Variants in NIN observed in about 807,000 individuals in gnomAD.
NIN encodes glycogen synthase kinase 3 beta-interacting protein.
Under a neutral mutation model 257.6 loss-of-function variants are expected in NIN, and 137 were observed. The observed-to-expected ratio is 0.53, with a 90% CI of 0.46 to 0.61. The LOEUF is 0.61. Among genes scored for constraint, NIN ranks in the 20% least tolerant of loss-of-function variants. The probability of loss-of-function intolerance (pLI) is 0.00; values close to 1 mark genes in which losing one functional copy is unlikely to be tolerated. For missense variants in NIN, 2,439 were observed against 2,501.2 expected (o/e 0.98, Z 0.53); for synonymous variants, 918 against 919.8 (o/e 1.00, Z 0.04).
At chr14:50,737,992 C>G (rs1272486483) in intron 27 of NIN, 148 bp downstream of exon 27, 14 of 785,226 alleles carry the variant, frequency 1.8e-5, no homozygotes, top group Non-Finnish European at 2.6e-5. Context: ...AACCACGATG[C>G]TATTTTGACA....
chr14:50,747,820 T>C (rs1052235393), intron 22 of NIN, among the ~76,000 whole-genome samples, 172 bp downstream of exon 22: 5 of 151,940 alleles, frequency 3.3e-5, no homozygotes, highest in African/African-American at 9.7e-5. Context: ...CCTTTACAGA[T>C]AGGATTTTGC....
rs1222626972 is a variant in NIN at position 50,722,494 on chromosome 14, G to A, written c.*969C>T. 5.2e-5 allele frequency: 11 copies of A among 210,014 alleles called. No individual in the cohort carries two copies. In the East Asian group the frequency reaches 7.2e-4, roughly 14 times the overall value. The allele number at this position is 210,014 out of a possible 1,614,324, so 13.0% of individuals were successfully genotyped here. A position where few individuals can be genotyped will look rare whatever the true frequency, so the allele number is the denominator to read the frequency against. ...TAAGACAAATAAATGAGGTCACATG[G>A]TTTATACATTTCAAATTCTTAGAGA... On this transcript the variant is annotated 3_prime_UTR_variant, in exon 31 of 31. Transcript: ENST00000530997.
chr14:50,800,785 CTTT>C (rs11362674), intron 4 of NIN, among the ~76,000 whole-genome samples: 14 of 138,754 alleles, frequency 1.0e-4, no homozygotes, highest in Non-Finnish European at 1.1e-4. Context: ...TTTTTCTTTG[CTTT>C]TTTTTTTTTT....
chr14:50,799,900 G>A (rs1471298097), intron 4 of NIN, among the ~76,000 whole-genome samples: 5 of 151,944 alleles, frequency 3.3e-5, no homozygotes, highest in Admixed American at 2.0e-4. Context: ...GCTTGAACCC[G>A]GGAGGCAGAG....
Position 50,737,646 on chromosome 14 carries a change from GTTT to G in NIN, c.5775+491_5775+493del, listed in dbSNP as rs35662853. Among the ~76,000 whole-genome samples the G allele has an allele frequency of 9.1e-3, 1,241 of 137,016 alleles. 18 individuals carry two copies. The highest frequency in any genetic ancestry group is 0.024 in the African/African-American group (900 of 37,860). The allele number at this position is 137,016 out of a possible 152,430, so 89.9% of individuals were successfully genotyped here. Reference sequence around the variant, plus strand: ...GCTTAAATTGTGGTTTTTTGTTGTTGTTTTTTTTTTTTTTTTTTAAACAGAGTC... The same window carrying G: ...GCTTAAATTGTGGTTTTTTGTTGTTGTTTTTTTTTTTTTTTAAACAGAGTC... On this transcript the variant is annotated intron_variant, in intron 27 of 30. Transcript: ENST00000530997.
chr14:50,722,923 T>G lies in NIN; in HGVS notation c.*540A>C, dbSNP rs1202305733. ...ATTCTACAGATTTGGGTTTGTCTGA[T>G]GTCAGCGGTTAATAACCACTTAATA... On this transcript the variant is annotated 3_prime_UTR_variant, in exon 31 of 31. Coordinates refer to ENST00000530997, the MANE Select transcript of NIN (RefSeq NM_020921.4). 3 of 214,490 alleles carry G rather than the reference T, an allele frequency of 1.4e-5. No homozygotes were observed. The highest frequency in any genetic ancestry group is 6.8e-5 in the African/African-American group (3 of 44,322). 13.3% of individuals were successfully genotyped at this position (214,490 alleles called of 1,614,324 possible).
chr14:50,746,898 G>A (rs1253553519), intron 22 of NIN, among the ~76,000 whole-genome samples: 2 of 152,098 alleles, frequency 1.3e-5, no homozygotes, highest in East Asian at 3.8e-4. Context: ...CTGTCGCCCA[G>A]GCTGGAGTGC....
chr14:50,774,368 T>C (rs2141840012), intron 7 of NIN, among the ~76,000 whole-genome samples: 1 of 152,360 alleles, frequency 6.6e-6, no homozygotes, highest in Non-Finnish European at 1.5e-5. Flanking sequence ...ATGCTTTTTT[T>C]TCCCCAATTC....
At chr14:50,766,916 G>A in intron 12 of NIN, 26 bp from the exon 13 acceptor site, 1 of 1,492,142 alleles carries the variant, frequency 6.7e-7, no homozygotes, top group Non-Finnish European at 9.3e-7. Context: ...GAAATTAAAT[G>A]TGGTACAGAT....
At chr14:50,741,377 A>C (rs965376603) in intron 25 of NIN, among the ~76,000 whole-genome samples, 4 of 152,212 alleles carry the variant, frequency 2.6e-5, no homozygotes, top group Non-Finnish European at 5.9e-5. Flanking sequence ...CCTTGGGGTT[A>C]CCAACTGGAG....
At chr14:50,800,192 T>C (rs1256426005) in intron 4 of NIN, among the ~76,000 whole-genome samples, 2 of 152,230 alleles carry the variant, frequency 1.3e-5, no homozygotes, top group Non-Finnish European at 2.9e-5. Context: ...TATTCTTTCA[T>C]AGCACAGTTT....
chr14:50,829,165 C>T (rs2045591028), intron 2 of NIN, among the ~76,000 whole-genome samples: 1 of 152,174 alleles, frequency 6.6e-6, no homozygotes, highest in South Asian at 2.1e-4. Context: ...GTTCACATCA[C>T]CTCCCAAAGG....
At chr14:50,736,449 CTCTT>C (rs2040984504) in intron 27 of NIN, among the ~76,000 whole-genome samples, 1 of 152,080 alleles carries the variant, frequency 6.6e-6, no homozygotes, top group Non-Finnish European at 1.5e-5. Context: ...ACTTTTATAA[CTCTT>C]TACTACAGGA....
At chr14:50,743,833 T>C (rs1045482815) in intron 23 of NIN, among the ~76,000 whole-genome samples, 6 of 151,930 alleles carry the variant, frequency 3.9e-5, no homozygotes, top group South Asian at 2.1e-4. Flanking sequence ...GAGCATACCA[T>C]AGGAAGAAAA....
intron 7 of NIN, among the ~76,000 whole-genome samples, chr14:50,775,358 A>ACAC (rs2042882344): frequency 1.3e-5 from 2 of 152,186 alleles, no homozygotes; most frequent in African/African-American, 4.8e-5. Context: ...AGTTACAGGC[A>ACAC]TAAGACAGTG....
chr14:50,730,893 A>G, intron 28 of NIN: 4 of 1,332,806 alleles, frequency 3.0e-6, no homozygotes, highest in South Asian at 2.4e-5. Context: ...GCTCCATGCT[A>G]TGAAAGTTCA....
chr14:50,791,368 C>T (rs1013433542), intron 5 of NIN, among the ~76,000 whole-genome samples: 7 of 152,144 alleles, frequency 4.6e-5, no homozygotes, highest in Admixed American at 1.3e-4. Flanking sequence ...TGAAACTGTT[C>T]TCAGCTTTTT....
intron 7 of NIN, among the ~76,000 whole-genome samples, chr14:50,775,738 T>C (rs2042896145): frequency 6.6e-6 from 1 of 152,172 alleles, no homozygotes; most frequent in South Asian, 2.1e-4. Flanking sequence ...CAAGAATTGG[T>C]TTTAGATAAA....
chr14:50,735,768 T>A lies in NIN; in HGVS notation c.5776-151A>T, dbSNP rs1275305932. Reference sequence around the variant, plus strand: ...GTGACAAACAAATAATACAATTCAGTGTATTGCTTACATTTAAGTAATCTA... The same window carrying A: ...GTGACAAACAAATAATACAATTCAGAGTATTGCTTACATTTAAGTAATCTA... On this transcript the variant is annotated intron_variant, in intron 27 of 30. Transcript: ENST00000530997. The A allele has an allele frequency of 3.8e-5, 40 of 1,047,800 alleles. No homozygotes were observed. The East Asian group carries it at 8.1e-4, about 21-fold the overall frequency. 64.9% of individuals were successfully genotyped at this position (1,047,800 alleles called of 1,614,324 possible).
Sources: gnomAD v4.1 joint callset for allele counts (sites outside exome capture counted in the v4.1 genomes callset) on GRCh38, gnomAD v4.1.1 for gene constraint, MANE v1.5 for transcripts, NCBI Gene and HGNC (gene_info 2026-07-23, HGNC 2026-07-21) for gene names.